PRKAA2: variants seen among roughly 807,000 people sequenced by gnomAD.
PRKAA2 encodes the protein 5'-AMP-activated protein kinase catalytic subunit alpha-2.
A neutral mutation model predicts 56.3 loss-of-function variants in PRKAA2; 40 were observed. The ratio of observed to expected loss-of-function variants is 0.71; its 90% CI spans 0.55 to 0.92. The LOEUF (loss-of-function observed/expected upper bound fraction) is 0.92, where lower values mean the gene tolerates loss of function less well. PRKAA2 is among the 40% of genes least tolerant of loss of function. The pLI, the probability that PRKAA2 is intolerant of heterozygous loss-of-function variation, is 0.00. For missense variants in PRKAA2, 542 were observed against 686.9 expected (o/e 0.79, Z 2.36); for synonymous variants, 214 against 234.2 (o/e 0.91, Z 0.79).
chr1:56,695,182 TTATA>T (rs71852426), intron 5 of PRKAA2, among the ~76,000 whole-genome samples: 58 of 129,956 alleles, frequency 4.5e-4, no homozygotes, highest in African/African-American at 9.4e-4. Flanking sequence ...ATATGATATA[TTATA>T]TATATATATA....
At chr1:56,659,644 G>A (rs1245975387) in intron 1 of PRKAA2, among the ~76,000 whole-genome samples, 1 of 151,922 alleles carries the variant, frequency 6.6e-6, no homozygotes, top group Non-Finnish European at 1.5e-5. Context: ...AAATAAAGCA[G>A]AGGTGTCATA....
At chr1:56,663,508 T>G (rs1286899848) in intron 1 of PRKAA2, among the ~76,000 whole-genome samples, 2 of 152,232 alleles carry the variant, frequency 1.3e-5, no homozygotes, top group Admixed American at 1.3e-4. Context: ...TTTCATTTCC[T>G]ATTACAACTC....
chr1:56,663,837 C>T (rs948554635), intron 1 of PRKAA2, among the ~76,000 whole-genome samples: 1 of 152,126 alleles, frequency 6.6e-6, no homozygotes, highest in Non-Finnish European at 1.5e-5. Flanking sequence ...TGGTGGCTAA[C>T]CCCTATAATC....
rs150377649 is a variant in PRKAA2, at chr1:56,695,995, T to C, written c.624T>C (p.Leu208=). The change falls in exon 6 of 9, where the codon CTT becomes CTC. Residue 208 remains leucine (L), a synonymous_variant. Coordinates refer to ENST00000371244, the MANE Select transcript of PRKAA2 (RefSeq NM_006252.4). ...WSCGVILYAL[L]CGTLPFDDEH... ...GTGGTGTTATCTTGTATGCTCTTCT[T>C]TGTGGCACCCTCCCATTTGATGATG... 6.2e-7 allele frequency: 1 copy of C among 1,611,790 alleles called. No individual in the cohort carries two copies. The highest frequency in any genetic ancestry group is 1.3e-5 in the African/African-American group (1 of 74,112).
intron 1 of PRKAA2, among the ~76,000 whole-genome samples, chr1:56,659,694 G>A (rs981174513): frequency 3.3e-5 from 5 of 151,986 alleles, no homozygotes; most frequent in African/African-American, 4.8e-5. Context: ...AGGCTGAGGC[G>A]GGTGGATTCC....
intron 1 of PRKAA2, among the ~76,000 whole-genome samples, chr1:56,649,101 C>A (rs1159073674): frequency 6.6e-6 from 1 of 152,094 alleles, no homozygotes; most frequent in Admixed American, 6.5e-5. Context: ...GGACTATGCT[C>A]TTGATGTCAT....
intron 1 of PRKAA2, among the ~76,000 whole-genome samples, chr1:56,662,717 A>T (rs945202383): frequency 6.6e-6 from 1 of 152,196 alleles, no homozygotes; most frequent in Non-Finnish European, 1.5e-5. Context: ...TCTTTTTTAC[A>T]TGAGTAACTA....
At chr1:56,664,003 G>A (rs780779839) in intron 1 of PRKAA2, among the ~76,000 whole-genome samples, 7 of 152,148 alleles carry the variant, frequency 4.6e-5, no homozygotes, top group Non-Finnish European at 8.8e-5. Flanking sequence ...GGAGGCTGAG[G>A]TGGGAGAATC....
chr1:56,680,203 T>G (rs1644143311), intron 2 of PRKAA2, among the ~76,000 whole-genome samples: 2 of 152,160 alleles, frequency 1.3e-5, no homozygotes, highest in South Asian at 4.1e-4. Context: ...TCACTAAGAC[T>G]AGGTTAGGCT....
intron 6 of PRKAA2, among the ~76,000 whole-genome samples, chr1:56,701,207 G>C (rs928554666): frequency 2.0e-5 from 3 of 152,006 alleles, no homozygotes. Context: ...AAAAATATTA[G>C]ACATGTAACA....
chr1:56,708,710 C>T lies in PRKAA2; in HGVS notation c.*997C>T, dbSNP rs562452568. ...CTCCCTTCACCTCACCTCACCTAGT[C>T]ACTATTGTCTTTGTTCATTGTTTGA... On this transcript the variant is annotated 3_prime_UTR_variant, in exon 9 of 9. Coordinates refer to ENST00000371244, the MANE Select transcript of PRKAA2 (RefSeq NM_006252.4). 12 of 152,276 alleles carry T rather than the reference C, an allele frequency of 7.9e-5. No individual in the cohort carries two copies. Among genetic ancestry groups the T allele is most frequent in the Admixed American group, 2.0e-4 (3 of 15,288 alleles). 9.4% of individuals were successfully genotyped at this position (152,276 alleles called of 1,614,324 possible).
intron 1 of PRKAA2, among the ~76,000 whole-genome samples, chr1:56,655,280 A>ATATATTTTT: frequency 8.5e-5 from 8 of 93,652 alleles, no homozygotes; most frequent in African/African-American, 2.7e-4. Context: ...ATATATATAT[A>ATATATTTTT]TTTTTTTTTT....
chr1:56,674,560 C>T, intron 2 of PRKAA2, 38 bp downstream of exon 2: 1 of 1,356,854 alleles, frequency 7.4e-7, no homozygotes, highest in Non-Finnish European at 9.8e-7. Context: ...AAAGAGACAC[C>T]TATCTTAAAA....
rs77520214 is a variant in PRKAA2, at chr1:56,703,143, A to C, written c.789-828A>C. On this transcript the variant is annotated intron_variant, in intron 6 of 8. Coordinates refer to ENST00000371244, the MANE Select transcript of PRKAA2 (RefSeq NM_006252.4). The stretch of plus-strand genomic sequence containing the variant: ...AGTAACATCAAGCACAAAGGCCCAG[A>C]AGTGTGAGAAAATAAGGCTTAGGAG... Among the ~76,000 whole-genome samples, 220 of 152,300 alleles carry C rather than the reference A, an allele frequency of 1.4e-3. 4 individuals are homozygous for C. The East Asian group carries it at 0.038, about 26-fold the overall frequency.
In PRKAA2 at chr1:56,704,443, C is replaced by T. The variant is rs574007984; in HGVS notation, c.1261C>T (p.Arg421Ter). ...GTATGACATTATGGCTGAAGTTTAC[C>T]GAGCTATGAAGCAGCTGGATTTTGA... is the stretch of plus-strand genomic sequence containing the variant. ...KPYDIMAEVYRAMKQLDFEWK... is the reference protein window; with the variant it reads ...KPYDIMAEVY The change falls in exon 7 of 9, where the codon CGA becomes TGA. Residue 421 changes from arginine (R) to a stop codon, truncating the protein, a stop_gained. Coordinates refer to ENST00000371244, the MANE Select transcript of PRKAA2 (RefSeq NM_006252.4). LOFTEE classifies it high-confidence loss of function. 8 of 1,607,434 alleles carry T rather than the reference C, an allele frequency of 5.0e-6. No individual in the cohort carries two copies. The highest frequency in any genetic ancestry group is 3.4e-5 in the Admixed American group (2 of 58,846).
chr1:56,707,376 C>G, intron 8 of PRKAA2, 99 bp from the exon 9 acceptor site: 1 of 971,372 alleles, frequency 1.0e-6, no homozygotes, highest in South Asian at 1.5e-5. Flanking sequence ...TGCCCTTGCT[C>G]AGATGTGTTT....
chr1:56,679,239 G>T (rs1356556645), intron 2 of PRKAA2, among the ~76,000 whole-genome samples: 1 of 152,074 alleles, frequency 6.6e-6, no homozygotes, highest in Non-Finnish European at 1.5e-5. Flanking sequence ...CTCTTTTGAT[G>T]ATTTCATCTA....
chr1:56,694,634 A>G (rs1055602024), intron 5 of PRKAA2, among the ~76,000 whole-genome samples: 1 of 152,026 alleles, frequency 6.6e-6, no homozygotes. Flanking sequence ...TGCTCACTGT[A>G]ACTTCACATG....
intron 5 of PRKAA2, among the ~76,000 whole-genome samples, chr1:56,695,466 C>T (rs555073590): frequency 2.0e-5 from 3 of 152,206 alleles, no homozygotes; most frequent in African/African-American, 7.2e-5. Flanking sequence ...ACTAGGATTA[C>T]AGGTGTGAGC....
Sources: allele counts gnomAD v4.1 joint callset (sites outside exome capture counted in the v4.1 genomes callset), GRCh38; gene constraint gnomAD v4.1.1; transcripts MANE v1.5; gene names NCBI Gene and HGNC (gene_info 2026-07-23, HGNC 2026-07-21).